The following BMAL1 variants were observed in gnomAD, a reference collection of about 807,000 sequenced individuals.
BMAL1 encodes basic helix-loop-helix ARNT like 1.
the BMAL1 span, among the ~76,000 whole-genome samples, chr11:13,318,607 G>C: frequency 0.014 from 1,709 of 123,174 alleles, 18 homozygotes; most frequent in Non-Finnish European, 0.018. Flanking sequence ...CTTTGGCAGA[G>C]TCTTTGTTGA....
chr11:13,378,278 C>A, the BMAL1 span: 3 of 1,513,818 alleles, frequency 2.0e-6, no homozygotes, highest in Non-Finnish European at 2.6e-6. Flanking sequence ...TACTTTAATA[C>A]ATAATAGTAT....
chr11:13,318,615 T>G, the BMAL1 span, among the ~76,000 whole-genome samples: 3 of 145,978 alleles, frequency 2.1e-5, no homozygotes. Flanking sequence ...GAGTCTTTGT[T>G]GAAATAGGCA....
At chr11:13,361,236 G>A in the BMAL1 span, among the ~76,000 whole-genome samples, 3 of 152,170 alleles carry the variant, frequency 2.0e-5, no homozygotes, top group African/African-American at 7.2e-5. Context: ...GGTTGAGGTG[G>A]CACTATGGGA....
the BMAL1 span, among the ~76,000 whole-genome samples, chr11:13,361,423 C>T: frequency 5.9e-5 from 9 of 152,276 alleles, no homozygotes; most frequent in African/African-American, 2.2e-4. Flanking sequence ...CCGCTTCCAC[C>T]TCCCACAAAG....
At chr11:13,383,086 A>G in the BMAL1 span, among the ~76,000 whole-genome samples, 1 of 152,226 alleles carries the variant, frequency 6.6e-6, no homozygotes, top group Non-Finnish European at 1.5e-5. Flanking sequence ...AACTGACAGC[A>G]GTATTAAATG....
the BMAL1 span, chr11:13,277,556 T>A: frequency 6.6e-6 from 1 of 151,832 alleles, no homozygotes; most frequent in African/African-American, 2.4e-5. Context: ...GTCAGCGGCC[T>A]CTCTAGCCGC....
the BMAL1 span, among the ~76,000 whole-genome samples, chr11:13,373,233 A>T: frequency 6.6e-6 from 1 of 152,182 alleles, no homozygotes; most frequent in Non-Finnish European, 1.5e-5. Context: ...CTCCTGTAGG[A>T]TTCACAATTA....
the BMAL1 span, chr11:13,366,915 C>A: frequency 3.7e-6 from 2 of 535,320 alleles, no homozygotes. Context: ...TTCTGGGGCA[C>A]CAGAGCTATC....
At chr11:13,307,171 CT>C in the BMAL1 span, among the ~76,000 whole-genome samples, 1 of 152,206 alleles carries the variant, frequency 6.6e-6, no homozygotes, top group Admixed American at 6.5e-5. Flanking sequence ...ATAAAAAAGA[CT>C]GTTTACCATG....
chr11:13,366,294 A>T, the BMAL1 span, among the ~76,000 whole-genome samples: 1 of 152,342 alleles, frequency 6.6e-6, no homozygotes, highest in East Asian at 1.9e-4. Flanking sequence ...AGACAAGGTG[A>T]CTGAAGCATA....
the BMAL1 span, among the ~76,000 whole-genome samples, chr11:13,303,498 A>G: frequency 6.6e-6 from 1 of 152,210 alleles, no homozygotes; most frequent in Non-Finnish European, 1.5e-5. Flanking sequence ...AGTACAACAA[A>G]TTGTTAGGTT....
chr11:13,330,218 G>T, the BMAL1 span, among the ~76,000 whole-genome samples: 1 of 152,208 alleles, frequency 6.6e-6, no homozygotes, highest in Admixed American at 6.5e-5. Context: ...CTAGATGGCC[G>T]CCTTTCAAGT....
the BMAL1 span, among the ~76,000 whole-genome samples, chr11:13,329,763 A>C: frequency 2.1e-3 from 323 of 152,224 alleles, no homozygotes; most frequent in Admixed American, 3.9e-3. Flanking sequence ...ACATAACTGC[A>C]TTGCCTTCTT....
chr11:13,385,745 T>C, the BMAL1 span: 4 of 1,613,732 alleles, frequency 2.5e-6, no homozygotes, highest in South Asian at 3.3e-5. Flanking sequence ...CAGGCCAGGC[T>C]CAGGAGAACC....
the BMAL1 span, among the ~76,000 whole-genome samples, chr11:13,368,935 TTC>T: frequency 6.6e-6 from 1 of 152,236 alleles, no homozygotes; most frequent in Non-Finnish European, 1.5e-5. Flanking sequence ...TTCGTTCACA[TTC>T]TTTTATTTTT....
the BMAL1 span, among the ~76,000 whole-genome samples, chr11:13,342,796 G>A: frequency 6.6e-6 from 1 of 152,188 alleles, no homozygotes; most frequent in African/African-American, 2.4e-5. Context: ...TACAGTGGAA[G>A]GAGTATGGGC....
the BMAL1 span, among the ~76,000 whole-genome samples, chr11:13,298,285 T>G: frequency 6.9e-3 from 1,051 of 152,320 alleles, 22 homozygotes; most frequent in African/African-American, 0.023. Flanking sequence ...GCATGCTTCC[T>G]GTTTAAGCTC....
At chr11:13,341,186 C>G in the BMAL1 span, among the ~76,000 whole-genome samples, 1 of 152,236 alleles carries the variant, frequency 6.6e-6, no homozygotes, top group East Asian at 1.9e-4. Flanking sequence ...GAAGGTCCCA[C>G]GCCTGGCCAG....
chr11:13,327,893 T>TGCACCCAGGGATCCCAGTTAACAATTTC, the BMAL1 span, among the ~76,000 whole-genome samples: 1 of 151,968 alleles, frequency 6.6e-6, no homozygotes, highest in Non-Finnish European at 1.5e-5. Flanking sequence ...TTCCCTGAAG[T>TGCACCCAGGGATCCCAGTTAACAATTTC]TGATCTGGAA....
Sources: gnomAD v4.1 joint callset for allele counts (sites outside exome capture counted in the v4.1 genomes callset) on GRCh38, gnomAD v4.1.1 for gene constraint, MANE v1.5 for transcripts, NCBI Gene and HGNC (gene_info 2026-07-23, HGNC 2026-07-21) for gene names.